The following KSR2 variants were observed in gnomAD, a reference collection of about 807,000 sequenced individuals.
The protein encoded by KSR2 is kinase suppressor of ras 2.
KSR2 carries 25 observed loss-of-function variants against 107.8 expected under a neutral mutation model. That is an observed-to-expected ratio of 0.23 (90% CI 0.17 to 0.32). The LOEUF (loss-of-function observed/expected upper bound fraction) is 0.32, where lower values mean the gene tolerates loss of function less well. KSR2 is among the 10% of genes least tolerant of loss of function. The probability of loss-of-function intolerance (pLI) is 1.00; values close to 1 mark genes in which losing one functional copy is unlikely to be tolerated. For synonymous variants in KSR2, 480 were observed against 507.0 expected (o/e 0.95, Z 0.71); for missense variants, 887 against 1,268.9 (o/e 0.70, Z 4.57).
chr12:117,844,907 G>A (rs1309822614), intron 3 of KSR2, among the ~76,000 whole-genome samples: 1 of 152,196 alleles, frequency 6.6e-6, no homozygotes. Context: ...AGCACTTTGG[G>A]AGGCCGAGGC....
chr12:117,734,252 G>A (rs150784587), intron 4 of KSR2, among the ~76,000 whole-genome samples: 1,488 of 140,792 alleles, frequency 0.011, 31 homozygotes, highest in African/African-American at 0.038. Flanking sequence ...CTGCACTCCA[G>A]CCTGGGCAAT....
chr12:117,708,380 C>G lies in KSR2; in HGVS notation c.987-40722G>C, dbSNP rs138704773. Among the ~76,000 whole-genome samples, 1,421 of 152,160 alleles carry G rather than the reference C, an allele frequency of 9.3e-3. 14 individuals are homozygous for G. The highest frequency in any genetic ancestry group is 0.013 in the Non-Finnish European group (859 of 68,012). On this transcript the variant is annotated intron_variant, in intron 4 of 19. Coordinates refer to ENST00000339824, the MANE Select transcript of KSR2 (RefSeq NM_173598.6). ...AGGAGGTAGTGGCTGAGATTTCCCC[C>G]ACTAGAGATGAAGGGACCTGCCTCG...
chr12:117,515,074 C>A (rs553686178), intron 14 of KSR2, among the ~76,000 whole-genome samples: 9 of 152,148 alleles, frequency 5.9e-5, no homozygotes, highest in Non-Finnish European at 1.3e-4. Context: ...GAGATCACGA[C>A]ACCGTTGGAG....
intron 3 of KSR2, among the ~76,000 whole-genome samples, chr12:117,791,404 G>A (rs1890247251): frequency 6.6e-6 from 1 of 152,098 alleles, no homozygotes; most frequent in Admixed American, 6.5e-5. Context: ...TTTACTATCT[G>A]TCTCCCCCAA....
At chr12:117,780,550 G>C (rs1328033587) in intron 3 of KSR2, among the ~76,000 whole-genome samples, 4 of 152,072 alleles carry the variant, frequency 2.6e-5, no homozygotes. Flanking sequence ...GGTTACCAGG[G>C]GCTGAGATTA....
chr12:117,511,517 G>A (rs1874024836), intron 14 of KSR2, among the ~76,000 whole-genome samples: 1 of 152,192 alleles, frequency 6.6e-6, no homozygotes, highest in South Asian at 2.1e-4. Flanking sequence ...TTATGCCCTA[G>A]CTTAGCCTAA....
At chr12:117,516,964 C>G (rs74539525) in intron 14 of KSR2, among the ~76,000 whole-genome samples, 2,019 of 152,262 alleles carry the variant, frequency 0.013, 44 homozygotes, top group African/African-American at 0.046. Context: ...GACTCAGCAC[C>G]AGCCAATGGC....
At position 117,968,259 on chromosome 12, in the gene KSR2, TTGCTCTG is replaced by T; in HGVS notation, c.-11_-5del. On this transcript the variant is annotated 5_prime_UTR_variant, in exon 1 of 20. Transcript: ENST00000339824. ...TCGTCATGTTTTCCTCATCCATCGC[TTGCTCTG>T]CAACCCCCTTCCCCTCCTCCTCCTC... The T allele has an allele frequency of 6.9e-7, 1 of 1,442,662 alleles. No individual in the cohort carries two copies. Among genetic ancestry groups the T allele is most frequent in the East Asian group, 3.1e-5 (1 of 32,136 alleles). The allele number at this position is 1,442,662 out of a possible 1,614,324, so 89.4% of individuals were successfully genotyped here. A position where few individuals can be genotyped will look rare whatever the true frequency, so the allele number is the denominator to read the frequency against.
intron 3 of KSR2, among the ~76,000 whole-genome samples, chr12:117,767,388 G>A (rs150152917): frequency 6.6e-6 from 1 of 151,152 alleles, no homozygotes; most frequent in African/African-American, 2.4e-5. Flanking sequence ...AGTGAGCCGA[G>A]ATCGCTCCAC....
At chr12:117,957,874 C>A (rs988357100) in intron 1 of KSR2, among the ~76,000 whole-genome samples, 14 of 150,066 alleles carry the variant, frequency 9.3e-5, no homozygotes, top group African/African-American at 3.4e-4. Flanking sequence ...CTCTGTTGCC[C>A]AGGCTGGAGT....
intron 5 of KSR2, among the ~76,000 whole-genome samples, chr12:117,654,164 A>C (rs2136443387): frequency 6.6e-6 from 1 of 152,310 alleles, no homozygotes; most frequent in Non-Finnish European, 1.5e-5. Context: ...TGTGACCCGA[A>C]CTGCCTATCA....
chr12:117,550,981 G>A (rs4767564), intron 9 of KSR2, among the ~76,000 whole-genome samples: 1 of 152,096 alleles, frequency 6.6e-6, no homozygotes, highest in Non-Finnish European at 1.5e-5. Context: ...CTCATTTTGC[G>A]GAGCCAGCCT....
At chr12:117,574,804 G>C (rs1879166179) in intron 7 of KSR2, among the ~76,000 whole-genome samples, 1 of 151,582 alleles carries the variant, frequency 6.6e-6, no homozygotes, top group African/African-American at 2.4e-5. Context: ...TGCTGGTCCA[G>C]GGACCATGTG....
chr12:117,482,402 T>C (rs1872226676), intron 16 of KSR2, among the ~76,000 whole-genome samples: 2 of 152,152 alleles, frequency 1.3e-5, no homozygotes, highest in African/African-American at 4.8e-5. Flanking sequence ...TTTAAGCCAC[T>C]AAGTTTTGAG....
intron 5 of KSR2, among the ~76,000 whole-genome samples, chr12:117,612,366 T>C (rs1289649590): frequency 1.3e-5 from 2 of 148,314 alleles, no homozygotes; most frequent in African/African-American, 5.0e-5. Context: ...ATCGCACCAC[T>C]CCACTCCAGC....
chr12:117,963,386 G>T (rs913176637), intron 1 of KSR2, among the ~76,000 whole-genome samples: 4 of 152,096 alleles, frequency 2.6e-5, no homozygotes, highest in African/African-American at 9.7e-5. Flanking sequence ...AATCACTTGA[G>T]CCCAGGAGTT....
intron 16 of KSR2, among the ~76,000 whole-genome samples, chr12:117,478,036 C>T (rs1871900491): frequency 6.6e-6 from 1 of 152,154 alleles, no homozygotes; most frequent in South Asian, 2.1e-4. Flanking sequence ...ACTCAAGACT[C>T]CTAGGAACTG....
At chr12:117,778,711 T>G (rs921061) in intron 3 of KSR2, among the ~76,000 whole-genome samples, 79,238 of 151,996 alleles carry the variant, frequency 0.52, 22,344 homozygotes, top group African/African-American at 0.73. Context: ...GTGAGAAGCT[T>G]AGGAGGCCCA....
At chr12:117,628,284 T>C (rs1882627197) in intron 5 of KSR2, among the ~76,000 whole-genome samples, 1 of 152,190 alleles carries the variant, frequency 6.6e-6, no homozygotes, top group South Asian at 2.1e-4. Context: ...GGCGCTCTGA[T>C]TTTTAGAATT....
Sources: allele counts gnomAD v4.1 joint callset (sites outside exome capture counted in the v4.1 genomes callset), GRCh38; gene constraint gnomAD v4.1.1; transcripts MANE v1.5; gene names NCBI Gene and HGNC (gene_info 2026-07-23, HGNC 2026-07-21).